GOSR2: variants seen among roughly 807,000 people sequenced by gnomAD.
GOSR2 encodes 27 kDa Golgi SNARE protein.
GOSR2 carries 20 observed loss-of-function variants against 27.9 expected under a neutral mutation model. The observed-to-expected ratio is 0.72, with a 90% CI of 0.50 to 1.04. GOSR2 has a LOEUF of 1.04. GOSR2 is among the 50% of genes least tolerant of loss of function. The probability of loss-of-function intolerance (pLI) is 0.00; values close to 1 mark genes in which losing one functional copy is unlikely to be tolerated. For synonymous variants in GOSR2, 91 were observed against 98.8 expected, an observed-to-expected ratio of 0.92 and a Z score of 0.47; for missense variants, 261 against 270.5, an observed-to-expected ratio of 0.97 and a Z score of 0.25.
At chr17:46,953,750 A>G (rs2090532000) in intron 6 of GOSR2, among the ~76,000 whole-genome samples, 1 of 152,200 alleles carries the variant, frequency 6.6e-6, no homozygotes, top group African/African-American at 2.4e-5. Flanking sequence ...GTGAGATGGT[A>G]TCTCATTGTG....
At chr17:46,931,422 AC>A (rs2087361588) in intron 3 of GOSR2, 1 of 583,916 alleles carries the variant, frequency 1.7e-6, no homozygotes, top group Non-Finnish European at 3.0e-6. Flanking sequence ...AAACCTTGTG[AC>A]CCCTTACCTC....
At chr17:46,961,704 T>C (rs953225417) in intron 6 of GOSR2, among the ~76,000 whole-genome samples, 5 of 152,152 alleles carry the variant, frequency 3.3e-5, no homozygotes, top group Non-Finnish European at 5.9e-5. Flanking sequence ...ACCTAAAATA[T>C]AACGACATAG....
At chr17:46,935,243 A>G (rs764579366) in intron 5 of GOSR2, 74 bp downstream of exon 5, 4 of 1,609,650 alleles carry the variant, frequency 2.5e-6, no homozygotes, top group Non-Finnish European at 3.4e-6. Context: ...AACTGTGTTT[A>G]TATTTTGATT....
At position 46,941,129 on chromosome 17, in the gene GOSR2, A is replaced by C; in HGVS notation, c.*2369A>C. 1 of 1,020,122 alleles carries C rather than the reference A, an allele frequency of 9.8e-7. No homozygotes were observed. The highest frequency in any genetic ancestry group is 1.2e-6 in the Non-Finnish European group (1 of 849,044). 63.2% of individuals were successfully genotyped at this position (1,020,122 alleles called of 1,614,324 possible). A position where few individuals can be genotyped will look rare whatever the true frequency, so the allele number is the denominator to read the frequency against. On this transcript the variant is annotated 3_prime_UTR_variant, in exon 6 of 6. Coordinates refer to ENST00000640051, the MANE Select transcript of GOSR2 (RefSeq NM_004287.5). ...TTAAAACAGGTGGGTTATCAAGAGGAACTTGAGATCTCTTTATTACATGGA... is the reference window on the plus strand; with the variant it reads ...TTAAAACAGGTGGGTTATCAAGAGGCACTTGAGATCTCTTTATTACATGGA...
At chr17:46,972,343 T>A (rs996358657) in intron 6 of GOSR2, among the ~76,000 whole-genome samples, 2 of 152,254 alleles carry the variant, frequency 1.3e-5, no homozygotes, top group Non-Finnish European at 2.9e-5. Context: ...CCCTTCTTCA[T>A]TTCTAGTCCA....
intron 6 of GOSR2, chr17:46,949,241 C>G (rs894019520): frequency 3.3e-5 from 5 of 152,188 alleles, no homozygotes; most frequent in Admixed American, 6.5e-5. Context: ...TGTCGCTGGG[C>G]ACACAATGTC....
chr17:46,929,792 C>T (rs1280437895), intron 2 of GOSR2: 2 of 552,326 alleles, frequency 3.6e-6, no homozygotes, highest in Non-Finnish European at 6.5e-6. Context: ...TCCCCCATTA[C>T]CCCTCCACTC....
At chr17:46,954,900 A>C (rs1243149692) in intron 6 of GOSR2, among the ~76,000 whole-genome samples, 1 of 152,252 alleles carries the variant, frequency 6.6e-6, no homozygotes, top group Non-Finnish European at 1.5e-5. Context: ...GTTGCTTATC[A>C]GCTTAAAGAG....
chr17:46,944,042 C>T (rs1315018226), downstream of GOSR2, among the ~76,000 whole-genome samples: 1 of 152,210 alleles, frequency 6.6e-6, no homozygotes, highest in Non-Finnish European at 1.5e-5. Context: ...CCCTTCCTTC[C>T]AGGCATCTGT....
rs1428552173 is a variant in GOSR2, at chr17:46,935,581, A to G, written c.477+412A>G. The G allele has an allele frequency of 6.1e-5, 68 of 1,121,472 alleles. No homozygotes were observed. The highest frequency in any genetic ancestry group is 1.7e-4 in the East Asian group (3 of 17,444). 69.5% of individuals were successfully genotyped at this position (1,121,472 alleles called of 1,614,324 possible). A position where few individuals can be genotyped will look rare whatever the true frequency, so the allele number is the denominator to read the frequency against. On this transcript the variant is annotated intron_variant, in intron 5 of 5. Coordinates refer to ENST00000640051, the MANE Select transcript of GOSR2 (RefSeq NM_004287.5). ...TAGGACCCCTACTGTGGACTGCCTTATAACTAAAACCTTTTGTATTTTAGT... is the reference window on the plus strand; with the variant it reads ...TAGGACCCCTACTGTGGACTGCCTTGTAACTAAAACCTTTTGTATTTTAGT...
chr17:46,946,162 G>C (rs964664628), downstream of GOSR2, among the ~76,000 whole-genome samples: 26 of 152,114 alleles, frequency 1.7e-4, no homozygotes, highest in African/African-American at 6.0e-4. Flanking sequence ...TAGGCTGGGC[G>C]CGGTGTCTCA....
chr17:46,948,467 T>C (rs2090088953), intron 6 of GOSR2: 1 of 152,240 alleles, frequency 6.6e-6, no homozygotes, highest in Admixed American at 6.5e-5. Context: ...CAAGATACGA[T>C]ATTGCACATG....
downstream of GOSR2, among the ~76,000 whole-genome samples, chr17:46,943,905 C>G (rs999641733): frequency 1.3e-5 from 2 of 152,140 alleles, no homozygotes; most frequent in Non-Finnish European, 2.9e-5. Context: ...GGCGATCCCT[C>G]GGTCTGATGG....
chr17:46,974,012 T>C (rs2091420564), intron 6 of GOSR2, among the ~76,000 whole-genome samples: 1 of 152,312 alleles, frequency 6.6e-6, no homozygotes, highest in East Asian at 1.9e-4. Context: ...CACCCCTCTA[T>C]GTGAACTTGG....
At chr17:46,947,995 C>T (rs991077553) in intron 6 of GOSR2, among the ~76,000 whole-genome samples, 2 of 152,214 alleles carry the variant, frequency 1.3e-5, no homozygotes, top group Non-Finnish European at 1.5e-5. Flanking sequence ...GTCTCGATCT[C>T]CTGACCTCAG....
intron 6 of GOSR2, among the ~76,000 whole-genome samples, chr17:46,959,168 G>A (rs1419472156): frequency 1.3e-5 from 2 of 152,196 alleles, no homozygotes; most frequent in Admixed American, 6.5e-5. Context: ...AGGAGGTTGG[G>A]CGTAGTGGCA....
chr17:46,946,505 G>A (rs977326837), downstream of GOSR2, among the ~76,000 whole-genome samples: 1 of 133,888 alleles, frequency 7.5e-6, no homozygotes, highest in Non-Finnish European at 1.7e-5. Context: ...TATTCCCTTT[G>A]TGGAAAAAAA....
intron 2 of GOSR2, chr17:46,930,119 G>C (rs538175044): frequency 6.5e-6 from 1 of 154,324 alleles, no homozygotes; most frequent in African/African-American, 2.4e-5. Flanking sequence ...CACCTGCGGG[G>C]GCTGCCTACC....
chr17:46,946,590 T>C (rs1243048117), downstream of GOSR2, among the ~76,000 whole-genome samples: 1 of 150,746 alleles, frequency 6.6e-6, no homozygotes, highest in Non-Finnish European at 1.5e-5. Flanking sequence ...AGGCCAGGCA[T>C]GGTGGCTCCC....
Sources: gnomAD v4.1 joint callset for allele counts (sites outside exome capture counted in the v4.1 genomes callset) on GRCh38, gnomAD v4.1.1 for gene constraint, MANE v1.5 for transcripts, NCBI Gene and HGNC (gene_info 2026-07-23, HGNC 2026-07-21) for gene names.